The following PXDNL variants were observed in gnomAD, a reference collection of about 807,000 sequenced individuals.
PXDNL encodes probable oxidoreductase PXDNL.
In PXDNL, 145 loss-of-function variants were observed where a neutral mutation model predicts 150.8. The ratio of observed to expected loss-of-function variants is 0.96; its 90% confidence interval spans 0.84 to 1.10. The LOEUF is 1.10. Ranked by LOEUF, PXDNL falls within the 50% of genes least tolerant of loss-of-function variation. The probability of loss-of-function intolerance (pLI) is 0.00; values close to 1 mark genes in which losing one functional copy is unlikely to be tolerated. For synonymous variants in PXDNL, 757 were observed against 725.7 expected, an observed-to-expected ratio of 1.04 and a Z score of -0.69; for missense variants, 2,087 against 1,873.9, an observed-to-expected ratio of 1.11 and a Z score of -2.10.
intron 1 of PXDNL, among the ~76,000 whole-genome samples, chr8:51,698,650 G>A (rs1454755606): frequency 3.9e-5 from 6 of 152,100 alleles, no homozygotes; most frequent in Non-Finnish European, 8.8e-5. Context: ...CATGGATCAC[G>A]CCTGTTCTTA....
chr8:51,585,912 C>A (rs1469280187), intron 3 of PXDNL, among the ~76,000 whole-genome samples: 1 of 152,070 alleles, frequency 6.6e-6, no homozygotes, highest in African/African-American at 2.4e-5. Flanking sequence ...TGAGTTCCTA[C>A]TGCATAATCC....
chr8:51,601,332 T>G (rs550867069), intron 2 of PXDNL, among the ~76,000 whole-genome samples: 5 of 152,086 alleles, frequency 3.3e-5, no homozygotes, highest in African/African-American at 1.2e-4. Context: ...TTGAAGTTCA[T>G]GAATATTACT....
intron 1 of PXDNL, among the ~76,000 whole-genome samples, chr8:51,699,118 G>A (rs1482372844): frequency 6.6e-6 from 1 of 152,144 alleles, no homozygotes; most frequent in East Asian, 1.9e-4. Context: ...TCAACTTAAA[G>A]TCACCACTGC....
chr8:51,755,160 A>T (rs2037086926), intron 1 of PXDNL, among the ~76,000 whole-genome samples: 2 of 152,234 alleles, frequency 1.3e-5, no homozygotes, highest in Admixed American at 1.3e-4. Flanking sequence ...ATCCATCTAA[A>T]CAGTGAAATC....
At chr8:51,337,783 G>A (rs1462888873) in intron 21 of PXDNL, among the ~76,000 whole-genome samples, 1 of 151,768 alleles carries the variant, frequency 6.6e-6, no homozygotes, top group Non-Finnish European at 1.5e-5. Context: ...GGAGGCTGAG[G>A]CTGTGCTTAA....
intron 19 of PXDNL, among the ~76,000 whole-genome samples, chr8:51,359,624 T>A (rs1806647932): frequency 6.6e-6 from 1 of 152,214 alleles, no homozygotes; most frequent in Admixed American, 6.5e-5. Flanking sequence ...TATGTATAAA[T>A]TTCCCCTTGT....
chr8:51,735,352 G>A (rs1056781114), intron 1 of PXDNL, among the ~76,000 whole-genome samples: 1 of 151,408 alleles, frequency 6.6e-6, no homozygotes, highest in Non-Finnish European at 1.5e-5. Context: ...GGGCATGGTG[G>A]TGCGTGCCTG....
At chr8:51,377,841 C>T (rs946497776) in intron 17 of PXDNL, among the ~76,000 whole-genome samples, 14 of 152,210 alleles carry the variant, frequency 9.2e-5, no homozygotes, top group Non-Finnish European at 1.8e-4. Flanking sequence ...CCCGGAGGAG[C>T]GCCACTGCCT....
rs557223328 is a variant in PXDNL at position 51,465,402 on chromosome 8, C to T, written c.812+6785G>A. On this transcript the variant is annotated intron_variant, in intron 8 of 22. Coordinates refer to ENST00000356297, the MANE Select transcript of PXDNL (RefSeq NM_144651.5). ...ACAAACTAGGCGTCAAAGCAACATA[C>T]CTCAAAATAATAAAAGCCATCAATT... Among the ~76,000 whole-genome samples, 10 of 151,912 alleles carry T rather than the reference C, an allele frequency of 6.6e-5. 1 individual carries two copies. The highest frequency in any genetic ancestry group is 2.4e-4 in the African/African-American group (10 of 41,446).
chr8:51,467,399 T>C (rs1810226728), intron 8 of PXDNL, among the ~76,000 whole-genome samples: 3 of 152,130 alleles, frequency 2.0e-5, no homozygotes, highest in African/African-American at 7.2e-5. Flanking sequence ...TTCCCACTTG[T>C]AAGTGGGCAC....
intron 17 of PXDNL, among the ~76,000 whole-genome samples, chr8:51,377,926 C>T (rs1807391059): frequency 1.3e-5 from 2 of 152,248 alleles, no homozygotes; most frequent in Admixed American, 6.5e-5. Context: ...AGGGGACTGG[C>T]AGGCAGCTCC....
At position 51,408,911 on chromosome 8, in the gene PXDNL, G is replaced by A. The variant is rs766523476; in HGVS notation, c.2713C>T (p.Arg905Trp). 6.8e-6 allele frequency: 11 copies of A among 1,609,712 alleles called. No homozygotes were observed. Among genetic ancestry groups the A allele is most frequent in the East Asian group, 2.2e-5 (1 of 44,842 alleles). Residue 905 changes from arginine to tryptophan, a missense_variant, in exon 17 of 23, where the codon CGG (arginine) becomes TGG (tryptophan). Transcript: ENST00000356297. Reference protein sequence around the residue: ...DGSNVYGSSERESQALRDPSV... With the variant: ...DGSNVYGSSEWESQALRDPSV... The stretch of plus-strand genomic sequence containing the variant: ...GGGTCTCTGAGAGCCTGGGATTCCC[G>A]CTCCGAGCTCCCGTAAACGTTGGAG...
At chr8:51,678,021 C>T (rs1182631841) in intron 1 of PXDNL, among the ~76,000 whole-genome samples, 1 of 152,060 alleles carries the variant, frequency 6.6e-6, no homozygotes, top group Non-Finnish European at 1.5e-5. Flanking sequence ...CTAAGAAGGG[C>T]CATAAAGATT....
intron 7 of PXDNL, 96 bp from the exon 8 acceptor site, chr8:51,472,400 C>A: frequency 1.1e-6 from 1 of 878,500 alleles, no homozygotes; most frequent in East Asian, 2.5e-5. Context: ...AAATTTATTT[C>A]TACATTAAAG....
chr8:51,457,610 G>T lies in PXDNL; in HGVS notation c.870C>A (p.Leu290=). ...CTGACTCTCTGGTGTTTCGGATCAT[G>T]AGTGTGCCATCATCAAACACATTAA... The part of the protein sequence containing the change: ...TRLNVFDDGT[L]MIRNTRESDQ... Residue 290 remains leucine, a synonymous_variant, in exon 9 of 23, where the codon CTC becomes CTA. Coordinates refer to ENST00000356297, the MANE Select transcript of PXDNL (RefSeq NM_144651.5). 1 of 1,613,846 alleles carries T rather than the reference G, an allele frequency of 6.2e-7. No individual in the cohort carries two copies.
chr8:51,597,585 GT>G (rs961964244), intron 2 of PXDNL, among the ~76,000 whole-genome samples: 8 of 151,056 alleles, frequency 5.3e-5, no homozygotes, highest in Non-Finnish European at 1.0e-4. Context: ...TCTTTTAGCA[GT>G]TTTTTTTGTT....
intron 2 of PXDNL, among the ~76,000 whole-genome samples, chr8:51,614,419 C>T (rs184125608): frequency 6.6e-6 from 1 of 152,346 alleles, no homozygotes; most frequent in Non-Finnish European, 1.5e-5. Context: ...AGGCAAACTC[C>T]AAGCTATAAC....
intron 17 of PXDNL, among the ~76,000 whole-genome samples, chr8:51,392,615 C>T (rs144408252): frequency 1.2e-3 from 178 of 152,306 alleles, no homozygotes; most frequent in East Asian, 5.2e-3. Flanking sequence ...ACTGAAGTTG[C>T]TTATCAGCTT....
chr8:51,515,135 G>T (rs1207779192), intron 4 of PXDNL, among the ~76,000 whole-genome samples: 1 of 152,222 alleles, frequency 6.6e-6, no homozygotes, highest in Non-Finnish European at 1.5e-5. Context: ...GAAGCCCCCA[G>T]GTGGATGCCT....
Sources: allele counts gnomAD v4.1 joint callset (sites outside exome capture counted in the v4.1 genomes callset), GRCh38; gene constraint gnomAD v4.1.1; transcripts MANE v1.5; gene names NCBI Gene and HGNC (gene_info 2026-07-23, HGNC 2026-07-21).